The following TRIT1 variants were observed in gnomAD, a reference collection of about 807,000 sequenced individuals.
The protein encoded by TRIT1 is tRNA isopentenyltransferase 1, also known as tRNA dimethylallyltransferase.
In TRIT1, 43 loss-of-function variants were observed where a neutral mutation model predicts 51.2. That is an observed-to-expected ratio of 0.84 (90% CI 0.66 to 1.08). The LOEUF (loss-of-function observed/expected upper bound fraction) is 1.08. Among genes scored for constraint, TRIT1 ranks in the 50% least tolerant of loss-of-function variants. The probability of loss-of-function intolerance (pLI) is 0.00; values close to 1 mark genes in which losing one functional copy is unlikely to be tolerated. For synonymous variants in TRIT1, 184 were observed against 203.9 expected (o/e 0.90, Z 0.83); for missense variants, 528 against 578.4 (o/e 0.91, Z 0.89).
chr1:39,856,321 T>C (rs1373413732), intron 2 of TRIT1, among the ~76,000 whole-genome samples: 2 of 151,490 alleles, frequency 1.3e-5, no homozygotes, highest in South Asian at 4.2e-4. Flanking sequence ...ATAATAATAA[T>C]AAAATGAAAA....
At chr1:39,847,152 G>C in intron 8 of TRIT1, 68 bp downstream of exon 8, 7 of 1,295,688 alleles carry the variant, frequency 5.4e-6, no homozygotes, top group Non-Finnish European at 7.7e-6. Context: ...TCATTTTCTG[G>C]GTGAGCTGAG....
Position 39,848,012 on chromosome 1 carries a change from A to G in TRIT1, c.789T>C (p.Tyr263=), listed in dbSNP as rs777410226. 8 of 1,614,026 alleles carry G rather than the reference A, an allele frequency of 5.0e-6. No individual in the cohort carries two copies. In the South Asian group the frequency reaches 8.8e-5, roughly 18 times the overall value. Residue 263 remains tyrosine (Y), a synonymous_variant, in exon 6 of 11, where the codon TAT becomes TAC. Coordinates refer to ENST00000316891, the MANE Select transcript of TRIT1 (RefSeq NM_017646.6). ...TATTTTCCGAAACATTCTTCTGATT[A>G]TAGCGTCTGTGAAAATCTCTTAGTT... ...LEELRDFHRR[Y]NQKNVSENSQ...
Position 39,883,447 on chromosome 1 carries a change from C to A in TRIT1, c.45G>T (p.Gly15=). 1 of 1,609,486 alleles carries A rather than the reference C, an allele frequency of 6.2e-7. No individual in the cohort carries two copies. The highest frequency in any genetic ancestry group is 1.1e-5 in the South Asian group (1 of 90,958). ...GTAGGGTCCGTTGCAGGCCCCTGAG[C>A]CCACTGCCCACGGGAACTGCTCGTG... is the stretch of plus-strand genomic sequence containing the variant. ...AAARAVPVGS[G]LRGLQRTLPL... The change falls in exon 1 of 11, where the codon GGG becomes GGT. Residue 15 remains glycine (G), a synonymous_variant. Coordinates refer to ENST00000316891, the MANE Select transcript of TRIT1 (RefSeq NM_017646.6).
intron 10 of TRIT1, among the ~76,000 whole-genome samples, chr1:39,843,700 C>G (rs76500814): frequency 0.018 from 2,740 of 152,256 alleles, 61 homozygotes; most frequent in East Asian, 0.11. Flanking sequence ...CCCAGCTATG[C>G]TTCTGCTTCT....
chr1:39,866,840 T>C (rs1197137480), intron 1 of TRIT1, among the ~76,000 whole-genome samples: 2 of 152,062 alleles, frequency 1.3e-5, no homozygotes, highest in African/African-American at 4.8e-5. Context: ...AAAACAGTTT[T>C]AATCAGCCAG....
At chr1:39,852,491 C>A in intron 4 of TRIT1, 1 of 477,448 alleles carries the variant, frequency 2.1e-6, no homozygotes, top group Non-Finnish European at 3.7e-6. Context: ...ATTATATAGG[C>A]CCTAGGGGAA....
intron 4 of TRIT1, among the ~76,000 whole-genome samples, chr1:39,852,300 G>A (rs940167349): frequency 6.6e-6 from 1 of 152,122 alleles, no homozygotes; most frequent in East Asian, 1.9e-4. Flanking sequence ...ATGTGCAAAG[G>A]TGAGCTGATC....
chr1:39,843,028 C>T (rs1011270225), intron 10 of TRIT1, among the ~76,000 whole-genome samples: 10 of 152,148 alleles, frequency 6.6e-5, no homozygotes, highest in Admixed American at 4.6e-4. Context: ...TTCAACAAAT[C>T]GAACCACTAA....
intron 1 of TRIT1, among the ~76,000 whole-genome samples, chr1:39,871,232 C>T (rs1260688120): frequency 6.6e-6 from 1 of 151,534 alleles, no homozygotes; most frequent in African/African-American, 2.4e-5. Flanking sequence ...ATGGTACATC[C>T]AAACAGTGGA....
intron 1 of TRIT1, 50 bp from the exon 2 acceptor site, chr1:39,857,467 T>C (rs1200508815): frequency 3.8e-6 from 6 of 1,593,478 alleles, no homozygotes; most frequent in Non-Finnish European, 5.1e-6. Flanking sequence ...CCATAAAAGA[T>C]GCATACTTAA....
chr1:39,864,728 C>T (rs1354715860), intron 1 of TRIT1, among the ~76,000 whole-genome samples: 1 of 152,066 alleles, frequency 6.6e-6, no homozygotes, highest in South Asian at 2.1e-4. Context: ...CCAAAGATCC[C>T]ATCCTTTTAA....
intron 1 of TRIT1, among the ~76,000 whole-genome samples, chr1:39,874,177 A>T (rs1310280360): frequency 6.6e-6 from 1 of 152,164 alleles, no homozygotes; most frequent in African/African-American, 2.4e-5. Flanking sequence ...CAATCAATCA[A>T]TAAAAAATTA....
chr1:39,877,328 TAAAAAAAAAA>T (rs57539376), intron 1 of TRIT1, among the ~76,000 whole-genome samples: 1 of 113,088 alleles, frequency 8.8e-6, no homozygotes, highest in Non-Finnish European at 1.8e-5. Flanking sequence ...GTGCTTCTAT[TAAAAAAAAAA>T]AAAAAAAAAA....
At chr1:39,879,401 T>G (rs1025259628) in intron 1 of TRIT1, among the ~76,000 whole-genome samples, 4 of 152,170 alleles carry the variant, frequency 2.6e-5, no homozygotes, top group African/African-American at 7.2e-5. Context: ...ACTCCAGGTC[T>G]GCTACTTATT....
chr1:39,850,280 G>A lies in TRIT1; in HGVS notation c.561-19C>T, dbSNP rs201607715. 1 of 1,613,822 alleles carries A rather than the reference G, an allele frequency of 6.2e-7. No individual in the cohort carries two copies. Among genetic ancestry groups the A allele is most frequent in the East Asian group, 2.2e-5 (1 of 44,890 alleles). Reference sequence around the variant, plus strand: ...CAAGCTCCTAAGTAATTTAAAAGGGGAGGGAGGGGGCACACCCATAAAAAC... The same window carrying A: ...CAAGCTCCTAAGTAATTTAAAAGGGAAGGGAGGGGGCACACCCATAAAAAC... On this transcript the variant is annotated intron_variant, in intron 4 of 10. Transcript: ENST00000316891.
In TRIT1 at chr1:39,882,570, G is replaced by A. The variant is rs187444364; in HGVS notation, c.174+748C>T. The stretch of plus-strand genomic sequence containing the variant: ...CTTCTGGGCCTCCCAGTTCGAAGAA[G>A]AGGACAAAGCCCCTTCAACTTTAAA... On this transcript the variant is annotated intron_variant, in intron 1 of 10. Coordinates refer to ENST00000316891, the MANE Select transcript of TRIT1 (RefSeq NM_017646.6). Among the ~76,000 whole-genome samples, 5 of 152,330 alleles carry A rather than the reference G, an allele frequency of 3.3e-5. No individual in the cohort carries two copies. The East Asian group carries it at 9.6e-4, about 29-fold the overall frequency.
At chr1:39,844,664 T>C in intron 8 of TRIT1, 24 bp from the exon 9 acceptor site, 1 of 1,562,946 alleles carries the variant, frequency 6.4e-7, no homozygotes, top group Non-Finnish European at 8.8e-7. Context: ...AGAAAGGTTG[T>C]GAGAGGTCAG....
rs145009373 is a variant in TRIT1, at chr1:39,847,629, T to C, written c.847A>G (p.Ile283Val). Residue 283 changes from isoleucine (I) to valine (V), a missense_variant, in exon 7 of 11, where the codon ATT becomes GTT. Around this residue, in one of 3 missense-constraint regions of TRIT1, gnomAD observed 468 missense variants for 522.6 expected, o/e 0.90. Transcript: ENST00000316891. ...QDYQHGIFQS[I>V]GFKEFHEYLI... is the part of the protein sequence containing the mutation. ...TACTCGTGAAATTCCTTGAAGCCAA[T>C]TGATTGGAAGATACCATGTTGATAG... 2.3e-5 allele frequency: 37 copies of C among 1,614,072 alleles called. No individual in the cohort carries two copies. Among genetic ancestry groups the C allele is most frequent in the East Asian group, 1.8e-4 (8 of 44,896 alleles).
At position 39,839,602 on chromosome 1, in the gene TRIT1, C is replaced by G. The variant is rs1440743722; in HGVS notation, c.*2142G>C. Among the ~76,000 whole-genome samples the G allele has an allele frequency of 6.6e-6, 1 of 152,228 alleles. No individual in the cohort carries two copies. The highest frequency in any genetic ancestry group is 1.5e-5 in the Non-Finnish European group (1 of 68,046). On this transcript the variant is annotated 3_prime_UTR_variant, in exon 11 of 11. Coordinates refer to ENST00000316891, the MANE Select transcript of TRIT1 (RefSeq NM_017646.6). ...GGCAGATTTCTAGTGAGTGTTCTGC[C>G]TTTCCCAGGCTCTTTGCTGCTGATA...
Sources: gnomAD v4.1 joint callset for allele counts (sites outside exome capture counted in the v4.1 genomes callset) on GRCh38, gnomAD v4.1.1 for gene constraint, gnomAD v4.1.1 regional missense constraint, MANE v1.5 for transcripts, NCBI Gene and HGNC (gene_info 2026-07-23, HGNC 2026-07-21) for gene names.